SV2B: variants seen among roughly 807,000 people sequenced by gnomAD.
The protein encoded by SV2B is synaptic vesicle glycoprotein 2B, also known as solute carrier family 22 member B2.
A neutral mutation model predicts 73.9 loss-of-function variants in SV2B; 41 were observed. That is an observed-to-expected ratio of 0.56 (90% CI 0.43 to 0.72). The LOEUF (loss-of-function observed/expected upper bound fraction) is 0.72. Among genes scored for constraint, SV2B ranks in the 30% least tolerant of loss-of-function variants. The pLI is 0.00. For synonymous variants in SV2B, 314 were observed against 314.2 expected, an observed-to-expected ratio of 1.00 and a Z score of 0.01; for missense variants, 764 against 857.8, an observed-to-expected ratio of 0.89 and a Z score of 1.37.
chr15:91,264,314 A>G (rs956928224), intron 6 of SV2B, among the ~76,000 whole-genome samples: 6 of 152,274 alleles, frequency 3.9e-5, no homozygotes, highest in Non-Finnish European at 7.3e-5. Flanking sequence ...GCACATTAAA[A>G]TTTTAGAGAG....
chr15:91,127,386 T>C (rs2042515795), intron 1 of SV2B, among the ~76,000 whole-genome samples: 2 of 152,038 alleles, frequency 1.3e-5, no homozygotes, highest in East Asian at 3.9e-4. Context: ...TTTGTGTGGC[T>C]GTTCCAGAAC....
rs1225884385 is a variant in SV2B at position 91,197,272 on chromosome 15, A to T, written c.-391-28601A>T. ...AGACAGAGTTTCATTCTCGTTGCCC[A>T]GGCTGGAGTGCAATGGCATGATCTC... On this transcript the variant is annotated intron_variant, in intron 1 of 12. Transcript: ENST00000394232. This position sits in a 1 kb window ranked among gnomAD's most constrained non-coding sequence, Gnocchi z 4.9. Among the ~76,000 whole-genome samples, 1 of 152,010 alleles carries T rather than the reference A, an allele frequency of 6.6e-6. No homozygotes were observed. Among genetic ancestry groups the T allele is most frequent in the Non-Finnish European group, 1.5e-5 (1 of 68,032 alleles).
In SV2B at chr15:91,129,063, T is replaced by G. The variant is rs1049311423; in HGVS notation, c.-392+28700T>G. 1.3e-5 allele frequency among the ~76,000 whole-genome samples: 2 copies of G among 152,236 alleles called. No individual in the cohort carries two copies. The highest frequency in any genetic ancestry group is 1.3e-4 in the Admixed American group (2 of 15,290). ...AAACTTCAGAGGGCCAGGGAGCCCT[T>G]GGCCCCTACATGGCCACATGTAAGT... On this transcript the variant is annotated intron_variant, in intron 1 of 12. Coordinates refer to ENST00000394232, the MANE Select transcript of SV2B (RefSeq NM_001323032.3). This position sits in a 1 kb window ranked among gnomAD's most constrained non-coding sequence, Gnocchi z 5.1.
rs1321336405 is a variant in SV2B at position 91,100,938 on chromosome 15, G to A, written c.-392+575G>A. 6.6e-6 allele frequency among the ~76,000 whole-genome samples: 1 copy of A among 152,220 alleles called. No homozygotes were observed. The highest frequency in any genetic ancestry group is 1.5e-5 in the Non-Finnish European group (1 of 68,040). On this transcript the variant is annotated intron_variant, in intron 1 of 12. Coordinates refer to ENST00000394232, the MANE Select transcript of SV2B (RefSeq NM_001323032.3). This position sits in a 1 kb window ranked among gnomAD's most constrained non-coding sequence, Gnocchi z 6.4. Reference sequence around the variant, plus strand: ...CAAGGGAAAGAAAATGACTTGTTTTGCAGGGATGGGCTAGCAAATGCGTTT... The same window carrying A: ...CAAGGGAAAGAAAATGACTTGTTTTACAGGGATGGGCTAGCAAATGCGTTT...
rs1428624535 is a variant in SV2B, at chr15:91,231,492, T to C, written c.451+4778T>C. Among the ~76,000 whole-genome samples, 1 of 152,166 alleles carries C rather than the reference T, an allele frequency of 6.6e-6. No homozygotes were observed. The highest frequency in any genetic ancestry group is 2.4e-5 in the African/African-American group (1 of 41,438). Reference sequence around the variant, plus strand: ...ATTTTTTGAGTGTGGGAGCCTTGTCTCCCTGGAGCTATTACTATTAAATGG... The same window carrying C: ...ATTTTTTGAGTGTGGGAGCCTTGTCCCCCTGGAGCTATTACTATTAAATGG... On this transcript the variant is annotated intron_variant, in intron 2 of 12. Transcript: ENST00000394232. The surrounding 1 kb of genome is among the most constrained non-coding windows in gnomAD (Gnocchi z 4.5).
At chr15:91,147,058 A>G (rs2043167355) in intron 1 of SV2B, among the ~76,000 whole-genome samples, 1 of 152,240 alleles carries the variant, frequency 6.6e-6, no homozygotes, top group South Asian at 2.1e-4. Flanking sequence ...TTGAGAGCAG[A>G]GATGATGTCT....
At position 91,214,059 on chromosome 15, in the gene SV2B, C is replaced by T. The variant is rs998253248; in HGVS notation, c.-391-11814C>T. Among the ~76,000 whole-genome samples, 8 of 152,222 alleles carry T rather than the reference C, an allele frequency of 5.3e-5. No individual in the cohort carries two copies. The highest frequency in any genetic ancestry group is 1.0e-4 in the Non-Finnish European group (7 of 68,030). ...ATACCATCAAAGGTAGCATCTTCCA[C>T]TTTGGGAAACACTTAACTTGGAAAT... On this transcript the variant is annotated intron_variant, in intron 1 of 12. Transcript: ENST00000394232. This position sits in a 1 kb window ranked among gnomAD's most constrained non-coding sequence, Gnocchi z 4.7.
In SV2B at chr15:91,121,346, C is replaced by G. The variant is rs1261609016; in HGVS notation, c.-392+20983C>G. Among the ~76,000 whole-genome samples, 4 of 152,018 alleles carry G rather than the reference C, an allele frequency of 2.6e-5. No homozygotes were observed. Among genetic ancestry groups the G allele is most frequent in the Non-Finnish European group, 5.9e-5 (4 of 68,014 alleles). Reference sequence around the variant, plus strand: ...CCTGAGAATACTTAAGCCAGAATCTCTAGGGATGGGAGTATAAATTGAATT... The same window carrying G: ...CCTGAGAATACTTAAGCCAGAATCTGTAGGGATGGGAGTATAAATTGAATT... On this transcript the variant is annotated intron_variant, in intron 1 of 12. Coordinates refer to ENST00000394232, the MANE Select transcript of SV2B (RefSeq NM_001323032.3). This position sits in a 1 kb window ranked among gnomAD's most constrained non-coding sequence, Gnocchi z 4.4.
At chr15:91,143,213 A>G (rs1239438790) in intron 1 of SV2B, among the ~76,000 whole-genome samples, 2 of 152,220 alleles carry the variant, frequency 1.3e-5, no homozygotes, top group Non-Finnish European at 1.5e-5. Flanking sequence ...GTACCCACAT[A>G]GGGCTGTCCA....
intron 2 of SV2B, among the ~76,000 whole-genome samples, chr15:91,247,127 C>A (rs1019504736): frequency 2.6e-5 from 4 of 152,162 alleles, no homozygotes; most frequent in Admixed American, 6.5e-5. Flanking sequence ...TTGAGAAGCT[C>A]TTCTTATTCT....
At chr15:91,176,099 C>G (rs901524799) in intron 1 of SV2B, among the ~76,000 whole-genome samples, 1 of 139,790 alleles carries the variant, frequency 7.2e-6, no homozygotes. Flanking sequence ...TCCATGTGTT[C>G]TCATTGTTCA....
chr15:91,104,931 T>C (rs2041840651), intron 1 of SV2B, among the ~76,000 whole-genome samples: 1 of 152,136 alleles, frequency 6.6e-6, no homozygotes, highest in Admixed American at 6.5e-5. Context: ...CGCGCCTGAC[T>C]GGGACCTGAA....
rs1392839113 is a variant in SV2B at position 91,137,271 on chromosome 15, G to T, written c.-392+36908G>T. Among the ~76,000 whole-genome samples, 1 of 152,120 alleles carries T rather than the reference G, an allele frequency of 6.6e-6. No individual in the cohort carries two copies. The highest frequency in any genetic ancestry group is 1.5e-5 in the Non-Finnish European group (1 of 68,032). ...AACTACTAATCACCCCAGTTAATGA[G>T]TTGTTTAAGCCACCCTCATATTAGA... is the stretch of plus-strand genomic sequence containing the variant. On this transcript the variant is annotated intron_variant, in intron 1 of 12. Transcript: ENST00000394232. The surrounding 1 kb of genome is among the most constrained non-coding windows in gnomAD (Gnocchi z 4.9).
chr15:91,264,023 G>A (rs955446290), intron 6 of SV2B, among the ~76,000 whole-genome samples: 1 of 152,256 alleles, frequency 6.6e-6, no homozygotes, highest in Admixed American at 6.5e-5. Flanking sequence ...ACTGTCCCAG[G>A]AGCAGTCCTG....
chr15:91,107,194 C>T (rs1288806971), intron 1 of SV2B, among the ~76,000 whole-genome samples: 16 of 152,086 alleles, frequency 1.1e-4, no homozygotes, highest in South Asian at 2.1e-4. Flanking sequence ...TTCATTTTTA[C>T]GTGTGGTTAC....
chr15:91,110,123 AT>A lies in SV2B; in HGVS notation c.-392+9762del, dbSNP rs1445228989. Among the ~76,000 whole-genome samples the A allele has an allele frequency of 6.6e-6, 1 of 152,218 alleles. No homozygotes were observed. Among genetic ancestry groups the A allele is most frequent in the Non-Finnish European group, 1.5e-5 (1 of 68,032 alleles). ...GTAATGATGGACAGCTCATTTATCC[AT>A]TAACGTGTTCTGTTCCTTCTTCTTA... On this transcript the variant is annotated intron_variant, in intron 1 of 12. Coordinates refer to ENST00000394232, the MANE Select transcript of SV2B (RefSeq NM_001323032.3). This position sits in a 1 kb window ranked among gnomAD's most constrained non-coding sequence, Gnocchi z 5.4.
chr15:91,131,147 G>GTTTTT lies in SV2B; in HGVS notation c.-392+30801_-392+30805dup, dbSNP rs56130189. On this transcript the variant is annotated intron_variant, in intron 1 of 12. Coordinates refer to ENST00000394232, the MANE Select transcript of SV2B (RefSeq NM_001323032.3). Reference sequence around the variant, plus strand: ...AGATTCAGGGAAAAGATGTTTTCTTGTTTTTTTTTTTTTTTTTTTTTAAAT... The same window carrying GTTTTT: ...AGATTCAGGGAAAAGATGTTTTCTTGTTTTTTTTTTTTTTTTTTTTTTTTTTAAAT... Among the ~76,000 whole-genome samples, 109 of 118,036 alleles carry GTTTTT rather than the reference G, an allele frequency of 9.2e-4. 1 individual carries two copies. The highest frequency in any genetic ancestry group is 3.1e-3 in the African/African-American group (98 of 31,362). 77.4% of individuals were successfully genotyped at this position (118,036 alleles called of 152,430 possible).
rs1596660563 is a variant in SV2B at position 91,240,718 on chromosome 15, C to A, written c.452-11101C>A. ...CTCTTTATCCCTGTATGTCAATCAC[C>A]GTGAGAGGTTCATGTCTGCCAGGAC... On this transcript the variant is annotated intron_variant, in intron 2 of 12. Coordinates refer to ENST00000394232, the MANE Select transcript of SV2B (RefSeq NM_001323032.3). This position sits in a 1 kb window ranked among gnomAD's most constrained non-coding sequence, Gnocchi z 4.6. Among the ~76,000 whole-genome samples, 1 of 152,122 alleles carries A rather than the reference C, an allele frequency of 6.6e-6. No homozygotes were observed. The highest frequency in any genetic ancestry group is 1.9e-4 in the East Asian group (1 of 5,194).
At position 91,240,547 on chromosome 15, in the gene SV2B, C is replaced by A. The variant is rs2046969522; in HGVS notation, c.452-11272C>A. Reference sequence around the variant, plus strand: ...AAAAGGCTAAAAAACCCCAAAAAACCAAGATGGCTCTCTCTGACCTCCATT... The same window carrying A: ...AAAAGGCTAAAAAACCCCAAAAAACAAAGATGGCTCTCTCTGACCTCCATT... On this transcript the variant is annotated intron_variant, in intron 2 of 12. Transcript: ENST00000394232. The surrounding 1 kb of genome is among the most constrained non-coding windows in gnomAD (Gnocchi z 4.6). 6.6e-6 allele frequency among the ~76,000 whole-genome samples: 1 copy of A among 152,114 alleles called. No individual in the cohort carries two copies. Among genetic ancestry groups the A allele is most frequent in the Non-Finnish European group, 1.5e-5 (1 of 68,006 alleles).
Sources: allele counts gnomAD v4.1 joint callset (sites outside exome capture counted in the v4.1 genomes callset), GRCh38; gene constraint gnomAD v4.1.1; non-coding constraint Gnocchi (gnomAD v3.1); transcripts MANE v1.5; gene names NCBI Gene and HGNC (gene_info 2026-07-23, HGNC 2026-07-21).